Variants in CXADR observed in about 807,000 individuals in gnomAD.
The protein encoded by CXADR is CXADR cell adhesion molecule, also known as coxsackievirus and adenovirus receptor.
In CXADR, 20 loss-of-function variants were observed where a neutral mutation model predicts 40.3. The observed-to-expected ratio is 0.50, with a 90% CI of 0.35 to 0.72. CXADR has a LOEUF of 0.72. CXADR is among the 30% of genes least tolerant of loss of function. The probability of loss-of-function intolerance (pLI) is 0.01; values close to 1 mark genes in which losing one functional copy is unlikely to be tolerated. For missense variants in CXADR, 332 were observed against 449.1 expected, an observed-to-expected ratio of 0.74 and a Z score of 2.36; for synonymous variants, 150 against 161.3, an observed-to-expected ratio of 0.93 and a Z score of 0.53.
At chr21:17,588,965 T>G (rs2123401038) in intron 7 of CXADR, among the ~76,000 whole-genome samples, 1 of 152,200 alleles carries the variant, frequency 6.6e-6, no homozygotes, top group East Asian at 1.9e-4. Flanking sequence ...TTCACCAAAT[T>G]TTAATAATTT....
chr21:17,547,138 C>A lies in CXADR; in HGVS notation c.155C>A (p.Pro52Gln). Residue 52 changes from proline (P) to glutamine (Q), a missense_variant, in exon 2 of 7, where the codon CCG (proline) becomes CAG (glutamine). Transcript: ENST00000284878. ...ACGCTTAGTCCCGAAGACCAGGGAC[C>A]GCTGGACATCGAGTGGCTGATATCA... The part of the protein sequence containing the change: ...KFTLSPEDQG[P>Q]LDIEWLISPA... 1 of 1,614,098 alleles carries A rather than the reference C, an allele frequency of 6.2e-7. No homozygotes were observed. The highest frequency in any genetic ancestry group is 8.5e-7 in the Non-Finnish European group (1 of 1,180,034).
intron 1 of CXADR, chr21:17,518,602 GGTTTT>G: frequency 7.0e-7 from 1 of 1,428,222 alleles, no homozygotes; most frequent in South Asian, 1.1e-5. Flanking sequence ...AGTGTCTTCT[GGTTTT>G]GCTGCTTTAC....
chr21:17,596,315 T>C (rs1057382265), downstream of CXADR, among the ~76,000 whole-genome samples: 8 of 152,066 alleles, frequency 5.3e-5, no homozygotes, highest in Non-Finnish European at 8.8e-5. Flanking sequence ...TCAATTTTTT[T>C]CCCTTATTAG....
In CXADR at chr21:17,563,252, A is replaced by G. The variant is rs1383563009; in HGVS notation, c.833+1776A>G. Among the ~76,000 whole-genome samples the G allele has an allele frequency of 7.2e-5, 11 of 152,250 alleles. No individual in the cohort carries two copies. The East Asian group carries it at 2.1e-3, about 29-fold the overall frequency. On this transcript the variant is annotated intron_variant, in intron 6 of 6. Coordinates refer to ENST00000284878, the MANE Select transcript of CXADR (RefSeq NM_001338.5). Reference sequence around the variant, plus strand: ...CAGTGAGCTAGGATCGCACCACTGCACCCTACCGTGGTTGACAGTCTCAAA... The same window carrying G: ...CAGTGAGCTAGGATCGCACCACTGCGCCCTACCGTGGTTGACAGTCTCAAA...
At chr21:17,590,916 T>C (rs2061430390) in intron 7 of CXADR, among the ~76,000 whole-genome samples, 1 of 152,078 alleles carries the variant, frequency 6.6e-6, no homozygotes. Context: ...AAAATTACTA[T>C]CAGATGATCA....
At chr21:17,577,901 T>G (rs1425476514) in intron 7 of CXADR, among the ~76,000 whole-genome samples, 2 of 152,148 alleles carry the variant, frequency 1.3e-5, no homozygotes, top group Admixed American at 6.5e-5. Flanking sequence ...ATATTTGTCC[T>G]CCTGAGACTG....
rs564305477 is a variant in CXADR at position 17,530,399 on chromosome 21, G to A, written c.44-16628G>A. On this transcript the variant is annotated intron_variant, in intron 1 of 6. Transcript: ENST00000284878. Reference sequence around the variant, plus strand: ...TCATGTTGGTAAGATTATTCATGTTGTGTAGCTTTGTTTTATTCATTTGCA... The same window carrying A: ...TCATGTTGGTAAGATTATTCATGTTATGTAGCTTTGTTTTATTCATTTGCA... 1.1e-4 allele frequency: 51 copies of A among 455,820 alleles called. 1 individual carries two copies. The East Asian group carries it at 2.2e-3, about 19-fold the overall frequency. The allele number at this position is 455,820 out of a possible 1,614,324, so 28.2% of individuals were successfully genotyped here.
At chr21:17,514,324 C>T (rs986145725) in intron 1 of CXADR, among the ~76,000 whole-genome samples, 1 of 151,988 alleles carries the variant, frequency 6.6e-6, no homozygotes, top group Non-Finnish European at 1.5e-5. Context: ...GAGCATTACT[C>T]ATGGGATCAA....
At chr21:17,513,446 G>A (rs988505166) in intron 1 of CXADR, among the ~76,000 whole-genome samples, 3 of 152,164 alleles carry the variant, frequency 2.0e-5, no homozygotes, top group African/African-American at 7.2e-5. Context: ...GGCGCGGCGT[G>A]TCGGGTGCGC....
intron 7 of CXADR, among the ~76,000 whole-genome samples, chr21:17,589,050 T>G (rs1030495153): frequency 1.3e-5 from 2 of 152,046 alleles, no homozygotes; most frequent in Non-Finnish European, 2.9e-5. Context: ...TTTCTTTCAC[T>G]TTTCTTTTTT....
rs185591576 is a variant in CXADR, at chr21:17,586,720, T to C, written c.1018-6432T>C. 2.9e-3 allele frequency among the ~76,000 whole-genome samples: 449 copies of C among 152,210 alleles called. 3 individuals are homozygous for C. Among genetic ancestry groups the C allele is most frequent in the African/African-American group, 0.01 (424 of 41,542 alleles). On this transcript the variant is annotated intron_variant, in intron 7 of 7. Coordinates refer to the CXADR transcript ENST00000400169. ...AGCCAAATACCTATTAATTTTTGTTTTGTTTTAGTTTTTTAAAATTTTTTA... is the reference window on the plus strand; with the variant it reads ...AGCCAAATACCTATTAATTTTTGTTCTGTTTTAGTTTTTTAAAATTTTTTA...
Position 17,569,514 on chromosome 21 carries a change from T to G in CXADR, c.*3822T>G. 5.1e-6 allele frequency: 5 copies of G among 985,356 alleles called. No individual in the cohort carries two copies. The highest frequency in any genetic ancestry group is 6.0e-6 in the Non-Finnish European group (5 of 829,912). 61.0% of individuals were successfully genotyped at this position (985,356 alleles called of 1,614,324 possible). On this transcript the variant is annotated 3_prime_UTR_variant, in exon 7 of 7. Transcript: ENST00000284878. ...CAATAGGATTTCTTACTCATTTACCTATTTTAACACTAAAATAGACCACAA... is the reference window on the plus strand; with the variant it reads ...CAATAGGATTTCTTACTCATTTACCGATTTTAACACTAAAATAGACCACAA...
rs2061261907 is a variant in CXADR, at chr21:17,569,845, G to A, written c.*4153G>A. 7.1e-6 allele frequency: 7 copies of A among 984,602 alleles called. No individual in the cohort carries two copies. The highest frequency in any genetic ancestry group is 8.4e-6 in the Non-Finnish European group (7 of 829,254). The allele number at this position is 984,602 out of a possible 1,614,324, so 61.0% of individuals were successfully genotyped here. On this transcript the variant is annotated 3_prime_UTR_variant, in exon 7 of 7. Transcript: ENST00000284878. The stretch of plus-strand genomic sequence containing the variant: ...AGTTTTAAGAGAACCACAATTCATT[G>A]ATTCACTTATTCTTTTCCCTAATTG...
intron 2 of CXADR, among the ~76,000 whole-genome samples, chr21:17,547,418 G>A (rs955491634): frequency 6.6e-6 from 1 of 152,176 alleles, no homozygotes; most frequent in Admixed American, 6.5e-5. Context: ...TTACAGAAGA[G>A]CAAAAGATCA....
chr21:17,594,568 T>C (rs1239775765), downstream of CXADR, among the ~76,000 whole-genome samples: 2 of 152,026 alleles, frequency 1.3e-5, no homozygotes, highest in Non-Finnish European at 2.9e-5. Flanking sequence ...AACACAGTAC[T>C]TCCTAAACAA....
chr21:17,575,038 T>C (rs1464733684), downstream of CXADR, among the ~76,000 whole-genome samples: 1 of 150,552 alleles, frequency 6.6e-6, no homozygotes, highest in Non-Finnish European at 1.5e-5. Context: ...CATACATACA[T>C]ACATACATAC....
the CXADR span, among the ~76,000 whole-genome samples, chr21:17,630,650 C>CTTTTTTT: frequency 2.2e-3 from 252 of 116,440 alleles, no homozygotes; most frequent in East Asian, 3.0e-3. Flanking sequence ...CTTCCTTCTT[C>CTTTTTTT]TTTTTTTTTT....
At chr21:17,541,473 G>A (rs1358354171) in intron 1 of CXADR, among the ~76,000 whole-genome samples, 2 of 152,020 alleles carry the variant, frequency 1.3e-5, no homozygotes, top group Non-Finnish European at 1.5e-5. Flanking sequence ...CAGGAGAATG[G>A]CGTGAACCTG....
At position 17,547,053 on chromosome 21, in the gene CXADR, A is replaced by G. The variant is rs773070030; in HGVS notation, c.70A>G (p.Thr24Ala). 1.9e-5 allele frequency: 31 copies of G among 1,612,844 alleles called. No individual in the cohort carries two copies. The highest frequency in any genetic ancestry group is 1.5e-4 in the South Asian group (14 of 91,006). ...TTTCGCCAGAAGTTTGAGTATCACT[A>G]CTCCTGAAGAGATGATTGAAAAAGC... ...VDFARSLSITTPEEMIEKAKG... is the reference protein window; with the variant it reads ...VDFARSLSITAPEEMIEKAKG... The change falls in exon 2 of 7, where the codon ACT (threonine) becomes GCT (alanine). Residue 24 changes from threonine to alanine, a missense_variant. Transcript: ENST00000284878.
Sources: gnomAD v4.1 joint callset for allele counts (sites outside exome capture counted in the v4.1 genomes callset) on GRCh38, gnomAD v4.1.1 for gene constraint, MANE v1.5 for transcripts, NCBI Gene and HGNC (gene_info 2026-07-23, HGNC 2026-07-21) for gene names.